PTPRD: variants seen among roughly 807,000 people sequenced by gnomAD.
PTPRD encodes the protein protein tyrosine phosphatase receptor type D, also known as receptor-type tyrosine-protein phosphatase delta.
In PTPRD, 34 loss-of-function variants were observed where a neutral mutation model predicts 214.5. The ratio of observed to expected loss-of-function variants is 0.16; its 90% CI spans 0.12 to 0.21. The LOEUF (loss-of-function observed/expected upper bound fraction) is 0.21, where lower values mean the gene tolerates loss of function less well. Ranked by LOEUF, PTPRD falls within the 10% of genes least tolerant of loss-of-function variation. PTPRD has a pLI of 1.00. For missense variants in PTPRD, 2,545 were observed against 2,398.7 expected (o/e 1.06, Z -1.27); for synonymous variants, 1,128 against 845.7 (o/e 1.33, Z -5.79).
At chr9:9,480,040 T>C (rs1167581085) in intron 8 of PTPRD, among the ~76,000 whole-genome samples, 3 of 152,194 alleles carry the variant, frequency 2.0e-5, no homozygotes, top group African/African-American at 7.2e-5. Flanking sequence ...TGGCAAAATA[T>C]CTGGGATCAA....
intron 3 of PTPRD, among the ~76,000 whole-genome samples, chr9:10,100,875 A>C (rs1296801670): frequency 6.6e-6 from 1 of 151,520 alleles, no homozygotes; most frequent in African/African-American, 2.4e-5. Flanking sequence ...ATCAAATAAT[A>C]ATAAAGAAAC....
At chr9:10,039,094 T>C (rs1422681574) in intron 3 of PTPRD, among the ~76,000 whole-genome samples, 1 of 152,116 alleles carries the variant, frequency 6.6e-6, no homozygotes, top group East Asian at 1.9e-4. Context: ...TACGTAGGTT[T>C]GTTGTTCACA....
intron 10 of PTPRD, among the ~76,000 whole-genome samples, chr9:9,105,935 G>A (rs2099797858): frequency 6.6e-6 from 1 of 152,166 alleles, no homozygotes. Flanking sequence ...GTTGGGAAGT[G>A]GAGGGAAGCA....
intron 8 of PTPRD, among the ~76,000 whole-genome samples, chr9:9,462,430 C>T (rs2093744274): frequency 6.6e-6 from 1 of 152,004 alleles, no homozygotes; most frequent in Admixed American, 6.6e-5. Context: ...AAATGATTCA[C>T]CAGAAGTCAT....
intron 3 of PTPRD, among the ~76,000 whole-genome samples, chr9:10,207,766 G>A (rs1024030253): frequency 6.6e-6 from 1 of 151,444 alleles, no homozygotes; most frequent in African/African-American, 2.4e-5. Context: ...GAATAATTGT[G>A]TAAAAGTGAG....
intron 10 of PTPRD, among the ~76,000 whole-genome samples, chr9:9,025,174 T>G (rs1033231240): frequency 1.3e-5 from 2 of 152,024 alleles, no homozygotes; most frequent in African/African-American, 2.4e-5. Context: ...TTTTATGACT[T>G]TATTTTTCCT....
intron 8 of PTPRD, among the ~76,000 whole-genome samples, chr9:9,555,198 G>T (rs191984567): frequency 1.3e-5 from 2 of 151,912 alleles, no homozygotes; most frequent in African/African-American, 2.4e-5. Flanking sequence ...AATATTTGAC[G>T]TATGATATTA....
intron 12 of PTPRD, among the ~76,000 whole-genome samples, chr9:8,706,060 T>G (rs557080219): frequency 1.3e-5 from 2 of 152,098 alleles, no homozygotes; most frequent in South Asian, 4.2e-4. Context: ...ACTCAAATTC[T>G]CCCAAAGAAC....
At chr9:8,921,364 T>C (rs556003770) in intron 11 of PTPRD, among the ~76,000 whole-genome samples, 2 of 152,296 alleles carry the variant, frequency 1.3e-5, no homozygotes, top group African/African-American at 4.8e-5. Context: ...CCAATGATTA[T>C]TGTGCATATC....
intron 6 of PTPRD, among the ~76,000 whole-genome samples, chr9:9,741,438 G>C (rs1427984891): frequency 1.0e-5 from 1 of 96,060 alleles, no homozygotes; most frequent in Non-Finnish European, 2.0e-5. Context: ...ATCCAGAAAC[G>C]TTTGAGTTGG....
intron 11 of PTPRD, among the ~76,000 whole-genome samples, chr9:8,825,200 T>G (rs1025969829): frequency 6.6e-6 from 1 of 152,210 alleles, no homozygotes; most frequent in Non-Finnish European, 1.5e-5. Flanking sequence ...TGGCACAGGT[T>G]AGAAACCCTG....
chr9:8,839,914 G>A (rs1245219654), intron 11 of PTPRD, among the ~76,000 whole-genome samples: 1 of 152,162 alleles, frequency 6.6e-6, no homozygotes, highest in Admixed American at 6.5e-5. Flanking sequence ...GATAACTGAT[G>A]TACTGAATAG....
At chr9:9,268,807 CA>C (rs66741804) in intron 9 of PTPRD, among the ~76,000 whole-genome samples, 18,070 of 109,952 alleles carry the variant, frequency 0.16, 1,251 homozygotes, top group African/African-American at 0.25. Flanking sequence ...TATCCACAAG[CA>C]AAAAAAAAAA....
chr9:8,945,924 G>A (rs1275320983), intron 11 of PTPRD, among the ~76,000 whole-genome samples: 4 of 152,140 alleles, frequency 2.6e-5, no homozygotes, highest in Non-Finnish European at 4.4e-5. Flanking sequence ...TCATATTCAA[G>A]TTCTTAATTC....
intron 3 of PTPRD, among the ~76,000 whole-genome samples, chr9:10,223,003 A>G (rs920393744): frequency 2.0e-5 from 3 of 152,066 alleles, no homozygotes; most frequent in African/African-American, 4.8e-5. Flanking sequence ...AGTGAAAGAC[A>G]GAGAATGAAG....
intron 7 of PTPRD, among the ~76,000 whole-genome samples, chr9:9,624,449 A>AT (rs527923351): frequency 0.017 from 2,519 of 148,616 alleles, 59 homozygotes; most frequent in African/African-American, 0.056. Flanking sequence ...TGTCTGGCTA[A>AT]TTTTTTTTTT....
At chr9:8,807,020 A>G in intron 11 of PTPRD, among the ~76,000 whole-genome samples, 1 of 152,166 alleles carries the variant, frequency 6.6e-6, no homozygotes, top group East Asian at 1.9e-4. Context: ...TTATGTTAAG[A>G]GAATAGCTGC....
At chr9:8,479,027 C>G (rs2096826384) in intron 30 of PTPRD, among the ~76,000 whole-genome samples, 2 of 152,168 alleles carry the variant, frequency 1.3e-5, no homozygotes, top group South Asian at 4.1e-4. Context: ...AACCTGCCCA[C>G]CGTTCTGGAA....
chr9:10,432,081 T>C (rs1664678373), intron 2 of PTPRD, among the ~76,000 whole-genome samples: 1 of 151,826 alleles, frequency 6.6e-6, no homozygotes, highest in Non-Finnish European at 1.5e-5. Flanking sequence ...GTGGCACATA[T>C]ACAACATGGA....
Sources: allele counts gnomAD v4.1 joint callset (sites outside exome capture counted in the v4.1 genomes callset), GRCh38; gene constraint gnomAD v4.1.1; transcripts MANE v1.5; gene names NCBI Gene and HGNC (gene_info 2026-07-23, HGNC 2026-07-21).